ANKRD31: variants seen among roughly 807,000 people sequenced by gnomAD.
The protein encoded by ANKRD31 is ankyrin repeat domain-containing protein 31.
ANKRD31 carries 147 observed loss-of-function variants against 186.0 expected under a neutral mutation model. That is an observed-to-expected ratio of 0.79 (90% CI 0.69 to 0.91). The LOEUF (loss-of-function observed/expected upper bound fraction) is 0.91, where lower values mean the gene tolerates loss of function less well. Among genes scored for constraint, ANKRD31 ranks in the 40% least tolerant of loss-of-function variants. ANKRD31 has a pLI of 0.00. For missense variants in ANKRD31, 1,986 were observed against 2,148.8 expected, an observed-to-expected ratio of 0.92 and a Z score of 1.50; for synonymous variants, 673 against 736.4, an observed-to-expected ratio of 0.91 and a Z score of 1.39.
chr5:75,111,578 A>C (rs920462444), intron 20 of ANKRD31, among the ~76,000 whole-genome samples: 3 of 152,180 alleles, frequency 2.0e-5, no homozygotes, highest in African/African-American at 7.2e-5. Context: ...CCTGCTATAC[A>C]AAAGGTTGAT....
At chr5:75,159,836 AT>A (rs148113084) in intron 11 of ANKRD31, among the ~76,000 whole-genome samples, 1,750 of 152,212 alleles carry the variant, frequency 0.011, 20 homozygotes, top group South Asian at 0.035. Context: ...TTGTATATTT[AT>A]TTTCCTTTAT....
chr5:75,226,305 C>T (rs1757626492), intron 2 of ANKRD31, among the ~76,000 whole-genome samples: 1 of 152,128 alleles, frequency 6.6e-6, no homozygotes, highest in African/African-American at 2.4e-5. Context: ...CTGTAGTGAA[C>T]ATAGGTGGTA....
intron 10 of ANKRD31, among the ~76,000 whole-genome samples, chr5:75,169,494 C>A (rs1182954508): frequency 6.6e-6 from 1 of 152,112 alleles, no homozygotes; most frequent in Non-Finnish European, 1.5e-5. Flanking sequence ...GTTCAAGGTA[C>A]TTCCATTAAA....
At chr5:75,098,838 T>C (rs9764945) in intron 22 of ANKRD31, among the ~76,000 whole-genome samples, 76,563 of 151,774 alleles carry the variant, frequency 0.5, 22,247 homozygotes, top group African/African-American at 0.81. Context: ...TGGGCTGAGA[T>C]GATGGGTTTT....
intron 3 of ANKRD31, among the ~76,000 whole-genome samples, chr5:75,218,361 C>G (rs973247831): frequency 1.3e-5 from 2 of 152,106 alleles, no homozygotes; most frequent in Non-Finnish European, 2.9e-5. Context: ...TGGATAAATT[C>G]CTGGACGTAT....
intron 11 of ANKRD31, 127 bp downstream of exon 11, chr5:75,168,852 T>G (rs997795901): frequency 2.2e-6 from 2 of 913,316 alleles, no homozygotes; most frequent in Non-Finnish European, 3.1e-6. Flanking sequence ...CATTATAAAT[T>G]CTAAGTATTC....
chr5:75,204,475 T>A (rs1756021218), intron 5 of ANKRD31, among the ~76,000 whole-genome samples: 1 of 152,240 alleles, frequency 6.6e-6, no homozygotes, highest in African/African-American at 2.4e-5. Context: ...AAGTTTTACT[T>A]GGTTGGTGTT....
chr5:75,190,378 TATA>T (rs1427662413), intron 9 of ANKRD31, among the ~76,000 whole-genome samples: 1 of 152,180 alleles, frequency 6.6e-6, no homozygotes, highest in Non-Finnish European at 1.5e-5. Flanking sequence ...TTTCTGTTCT[TATA>T]ATGTCTTTGA....
rs1750065816 is a variant in ANKRD31 at position 75,133,569 on chromosome 5, G to GACT, written c.3876+4284_3876+4286dup. Reference sequence around the variant, plus strand: ...AGACTCCCACACAATAATAATGGCAGACTTTAACACCCCACTGTCAACATT... The same window carrying GACT: ...AGACTCCCACACAATAATAATGGCAGACTACTTTAACACCCCACTGTCAACATT... On this transcript the variant is annotated intron_variant, in intron 17 of 25. Coordinates refer to ENST00000506364, the MANE Select transcript of ANKRD31 (RefSeq NM_001372053.1). Among the ~76,000 whole-genome samples the GACT allele has an allele frequency of 2.0e-5, 3 of 152,260 alleles. No homozygotes were observed. In the South Asian group the frequency reaches 6.2e-4, roughly 32 times the overall value.
chr5:75,222,492 T>TAA (rs67593579), intron 2 of ANKRD31, 134 bp from the exon 3 acceptor site: 5,810 of 629,954 alleles, frequency 9.2e-3, no homozygotes, highest in South Asian at 0.02. Context: ...TCATTTCTTC[T>TAA]AAAAAAAAAC....
chr5:75,151,851 C>G (rs937786491), intron 12 of ANKRD31, among the ~76,000 whole-genome samples: 1 of 152,006 alleles, frequency 6.6e-6, no homozygotes, highest in African/African-American at 2.4e-5. Context: ...TATGTACTCT[C>G]ATAGGGCCTG....
chr5:75,188,522 C>G lies in ANKRD31; in HGVS notation c.1535G>C (p.Gly512Ala). 6.5e-7 allele frequency: 1 copy of G among 1,536,084 alleles called. No individual in the cohort carries two copies. The change falls in exon 10 of 26, where the codon GGT becomes GCT. Residue 512 changes from glycine to alanine, a missense_variant. By Grantham distance (60) the Gly-to-Ala change is moderately conservative (BLOSUM62 0). Coordinates refer to ENST00000506364, the MANE Select transcript of ANKRD31 (RefSeq NM_001372053.1). ...ATAACTTGGCTGATTAACATTTCCA[C>G]CTTTTTTTATACAATGATGAACAAG... ...ADLVHHCIKK[G>A]GNVNQPSYAG...
chr5:75,201,811 T>C (rs77854289), intron 5 of ANKRD31, among the ~76,000 whole-genome samples: 23,622 of 152,038 alleles, frequency 0.16, 2,072 homozygotes, highest in African/African-American at 0.24. Flanking sequence ...CTTAAGTCTG[T>C]TTAAAAAAAT....
At chr5:75,091,162 T>C in intron 23 of ANKRD31, 99 bp downstream of exon 23, 1 of 1,322,910 alleles carries the variant, frequency 7.6e-7, no homozygotes, top group Non-Finnish European at 1.0e-6. Flanking sequence ...AAAACTAGCT[T>C]GGAGATCTTT....
intron 6 of ANKRD31, among the ~76,000 whole-genome samples, chr5:75,199,297 T>C (rs1055234898): frequency 1.3e-5 from 2 of 152,182 alleles, no homozygotes; most frequent in South Asian, 2.1e-4. Flanking sequence ...TGATTCTCCA[T>C]AGCACCAAGT....
chr5:75,184,052 C>T (rs1008695584), intron 10 of ANKRD31, among the ~76,000 whole-genome samples: 1 of 152,062 alleles, frequency 6.6e-6, no homozygotes, highest in African/African-American at 2.4e-5. Context: ...TAAAAATAGA[C>T]ACACAGACCA....
chr5:75,132,833 C>T (rs1749984762), intron 17 of ANKRD31, among the ~76,000 whole-genome samples: 1 of 152,138 alleles, frequency 6.6e-6, no homozygotes. Flanking sequence ...AGAAACTCTA[C>T]AAGCCAGAAG....
chr5:75,175,778 C>G (rs1365322703), intron 10 of ANKRD31, among the ~76,000 whole-genome samples: 1 of 152,018 alleles, frequency 6.6e-6, no homozygotes, highest in African/African-American at 2.4e-5. Flanking sequence ...CGAACAGGAA[C>G]AGCTCCAGTC....
In ANKRD31 at chr5:75,220,756, G is replaced by T. The variant is rs145689786; in HGVS notation, c.288+1493C>A. ...CAATGTCACTAATCATTCAGGAAAT[G>T]CAAATCAATGAGATACCAGCTCACA... On this transcript the variant is annotated intron_variant, in intron 3 of 25. Transcript: ENST00000506364. Among the ~76,000 whole-genome samples the T allele has an allele frequency of 2.0e-3, 303 of 152,120 alleles. 1 individual carries two copies. Among genetic ancestry groups the T allele is most frequent in the Non-Finnish European group, 3.2e-3 (215 of 67,992 alleles).
Sources: gnomAD v4.1 joint callset for allele counts (sites outside exome capture counted in the v4.1 genomes callset) on GRCh38, gnomAD v4.1.1 for gene constraint, MANE v1.5 for transcripts, NCBI Gene and HGNC (gene_info 2026-07-23, HGNC 2026-07-21) for gene names.